Variants in CHCHD6 observed in about 807,000 individuals in gnomAD.
CHCHD6 encodes the protein coiled-coil-helix-coiled-coil-helix domain containing 6, also known as MICOS complex subunit MIC25.
CHCHD6 carries 28 observed loss-of-function variants against 32.3 expected under a neutral mutation model. That is an observed-to-expected ratio of 0.87 (90% confidence interval 0.64 to 1.19). The LOEUF is 1.19. CHCHD6 is among the 50% of genes most tolerant of loss of function. CHCHD6 has a pLI of 0.00. For synonymous variants in CHCHD6, 122 were observed against 117.5 expected (o/e 1.04, Z -0.25); for missense variants, 333 against 307.0 (o/e 1.08, Z -0.63).
chr3:126,763,171 C>T (rs886196233), intron 4 of CHCHD6, among the ~76,000 whole-genome samples: 2 of 151,670 alleles, frequency 1.3e-5, no homozygotes, highest in East Asian at 1.9e-4. Flanking sequence ...TGCTGTCTTC[C>T]TTTCCTTTCC....
intron 4 of CHCHD6, among the ~76,000 whole-genome samples, chr3:126,773,135 C>T (rs1234542383): frequency 6.6e-6 from 1 of 152,036 alleles, no homozygotes; most frequent in African/African-American, 2.4e-5. Context: ...TGTAGGTGAC[C>T]TGCCCTTTCT....
intron 4 of CHCHD6, among the ~76,000 whole-genome samples, chr3:126,798,097 A>C (rs192717768): frequency 6.6e-6 from 1 of 152,150 alleles, no homozygotes; most frequent in East Asian, 2.0e-4. Context: ...GAATTATAAC[A>C]GAGGGGTGGC....
At chr3:126,870,613 G>A (rs1035867849) in intron 5 of CHCHD6, among the ~76,000 whole-genome samples, 5 of 152,188 alleles carry the variant, frequency 3.3e-5, no homozygotes, top group African/African-American at 7.2e-5. Flanking sequence ...AGTCCTTAGC[G>A]TGGCTCCCTC....
intron 4 of CHCHD6, among the ~76,000 whole-genome samples, chr3:126,764,769 G>A (rs923766319): frequency 6.6e-6 from 1 of 152,184 alleles, no homozygotes; most frequent in African/African-American, 2.4e-5. Flanking sequence ...CCAGGCAAAC[G>A]GATCAGGCTG....
At chr3:126,892,383 C>A (rs2077774873) in intron 5 of CHCHD6, among the ~76,000 whole-genome samples, 1 of 152,240 alleles carries the variant, frequency 6.6e-6, no homozygotes. Flanking sequence ...CAGCCCCCGA[C>A]TCTATCCAGA....
At chr3:126,829,427 T>G (rs1940541766) in intron 4 of CHCHD6, among the ~76,000 whole-genome samples, 1 of 152,014 alleles carries the variant, frequency 6.6e-6, no homozygotes, top group African/African-American at 2.4e-5. Context: ...CAACTTCTGC[T>G]TGCCTTTGGT....
intron 5 of CHCHD6, among the ~76,000 whole-genome samples, chr3:126,892,598 T>A (rs984429346): frequency 4.6e-5 from 7 of 152,206 alleles, no homozygotes; most frequent in Non-Finnish European, 7.3e-5. Context: ...CTAGCCCACG[T>A]CCAGCTTTCA....
chr3:126,896,083 C>T (rs1242207735), intron 5 of CHCHD6, among the ~76,000 whole-genome samples: 1 of 152,162 alleles, frequency 6.6e-6, no homozygotes, highest in Non-Finnish European at 1.5e-5. Flanking sequence ...CTAGGAAGGG[C>T]ACATCTTCCT....
intron 4 of CHCHD6, among the ~76,000 whole-genome samples, chr3:126,821,977 A>G (rs932270115): frequency 6.6e-5 from 10 of 152,218 alleles, no homozygotes; most frequent in African/African-American, 2.4e-4. Context: ...GTTCCTTATT[A>G]GATACATAAA....
chr3:126,764,225 A>AT (rs1491136744), intron 4 of CHCHD6, among the ~76,000 whole-genome samples: 56 of 147,004 alleles, frequency 3.8e-4, no homozygotes, highest in African/African-American at 7.7e-4. Context: ...ATATATATAT[A>AT]AATATATGAA....
intron 1 of CHCHD6, among the ~76,000 whole-genome samples, chr3:126,710,467 C>G (rs1022844466): frequency 2.0e-5 from 3 of 152,186 alleles, no homozygotes; most frequent in Admixed American, 2.0e-4. Flanking sequence ...TCAACTTCTG[C>G]AAAGAAGCTG....
At chr3:126,799,078 C>T (rs1164272697) in intron 4 of CHCHD6, among the ~76,000 whole-genome samples, 1 of 152,170 alleles carries the variant, frequency 6.6e-6, no homozygotes, top group Non-Finnish European at 1.5e-5. Flanking sequence ...AGGCTTGGCC[C>T]TTTGTTAACA....
chr3:126,791,905 T>A (rs116408594), intron 4 of CHCHD6, among the ~76,000 whole-genome samples: 1 of 152,346 alleles, frequency 6.6e-6, no homozygotes, highest in African/African-American at 2.4e-5. Flanking sequence ...GCCACCATGC[T>A]GGCCTCTACT....
intron 4 of CHCHD6, among the ~76,000 whole-genome samples, chr3:126,777,837 A>G (rs1446412532): frequency 6.6e-6 from 1 of 152,218 alleles, no homozygotes; most frequent in Non-Finnish European, 1.5e-5. Flanking sequence ...TTTTTAGTAT[A>G]TTCATAGAGT....
At chr3:126,866,951 G>T (rs926809612) in intron 5 of CHCHD6, among the ~76,000 whole-genome samples, 1 of 152,146 alleles carries the variant, frequency 6.6e-6, no homozygotes, top group South Asian at 2.1e-4. Context: ...GAGTTTTGGG[G>T]TTTTTTGTTT....
chr3:126,906,544 C>A (rs2078009430), intron 5 of CHCHD6, among the ~76,000 whole-genome samples: 1 of 152,306 alleles, frequency 6.6e-6, no homozygotes, highest in Admixed American at 6.5e-5. Flanking sequence ...GTAGTCTCAT[C>A]CCAGACCTCT....
At chr3:126,803,918 A>G (rs1939215383) in intron 4 of CHCHD6, among the ~76,000 whole-genome samples, 1 of 152,196 alleles carries the variant, frequency 6.6e-6, no homozygotes, top group South Asian at 2.1e-4. Flanking sequence ...CTCACTCAAA[A>G]CCGCTCAACT....
chr3:126,857,580 A>C (rs1941706437), intron 5 of CHCHD6, among the ~76,000 whole-genome samples: 1 of 152,170 alleles, frequency 6.6e-6, no homozygotes, highest in South Asian at 2.1e-4. Flanking sequence ...TCCCAGGCAC[A>C]CTGGTCTCTG....
intron 5 of CHCHD6, among the ~76,000 whole-genome samples, chr3:126,865,906 C>T (rs538141029): frequency 3.3e-5 from 5 of 152,202 alleles, no homozygotes; most frequent in Admixed American, 2.0e-4. Flanking sequence ...CCAGGCTTCT[C>T]TAGGGTAGTT....
Sources: gnomAD v4.1 joint callset for allele counts (sites outside exome capture counted in the v4.1 genomes callset) on GRCh38, gnomAD v4.1.1 for gene constraint, MANE v1.5 for transcripts, NCBI Gene and HGNC (gene_info 2026-07-23, HGNC 2026-07-21) for gene names.